The following USP15 variants were observed in gnomAD, a reference collection of about 807,000 sequenced individuals.
The protein encoded by USP15 is ubiquitin specific peptidase 15, also known as ubiquitin carboxyl-terminal hydrolase 15.
USP15 carries 18 observed loss-of-function variants against 127.1 expected under a neutral mutation model. The observed-to-expected ratio is 0.14, with a 90% CI of 0.10 to 0.21. The LOEUF (loss-of-function observed/expected upper bound fraction) is 0.21. Ranked by LOEUF, USP15 falls within the 10% of genes least tolerant of loss-of-function variation. The pLI is 1.00. For missense variants in USP15, 805 were observed against 1,159.9 expected, an observed-to-expected ratio of 0.69 and a Z score of 4.44; for synonymous variants, 364 against 393.7, an observed-to-expected ratio of 0.92 and a Z score of 0.89.
intron 6 of USP15, among the ~76,000 whole-genome samples, chr12:62,329,996 A>G (rs567991860): frequency 6.6e-6 from 1 of 152,314 alleles, no homozygotes; most frequent in Non-Finnish European, 1.5e-5. Context: ...AGCCTAGCTA[A>G]ATATCCATCA....
At chr12:62,298,484 GT>G (rs2064202090) in intron 2 of USP15, among the ~76,000 whole-genome samples, 1 of 152,118 alleles carries the variant, frequency 6.6e-6, no homozygotes, top group South Asian at 2.1e-4. Flanking sequence ...GGCCAACATG[GT>G]GAAACCCCGT....
intron 6 of USP15, among the ~76,000 whole-genome samples, chr12:62,330,253 A>T (rs776321769): frequency 2.0e-5 from 3 of 152,068 alleles, no homozygotes; most frequent in Non-Finnish European, 2.9e-5. Flanking sequence ...TGAAGCAAGG[A>T]TGATACAGAT....
At chr12:62,398,817 G>A (rs932293356) in intron 20 of USP15, among the ~76,000 whole-genome samples, 6 of 152,090 alleles carry the variant, frequency 3.9e-5, no homozygotes, top group Non-Finnish European at 4.4e-5. Context: ...ACTATCCCTG[G>A]TTATTTTTTG....
Position 62,370,655 on chromosome 12 carries a change from G to A in USP15, c.916-10835G>A, listed in dbSNP as rs1592685638. The stretch of plus-strand genomic sequence containing the variant: ...ACCCTATAGAAATTGCTTTTGATTA[G>A]CTCACTCTTGACCTCCTGTTTGCTA... On this transcript the variant is annotated intron_variant, in intron 8 of 21. Transcript: ENST00000280377. Among the ~76,000 whole-genome samples the A allele has an allele frequency of 2.6e-5, 4 of 152,078 alleles. No homozygotes were observed. The East Asian group carries it at 7.7e-4, about 29-fold the overall frequency.
Position 62,404,729 on chromosome 12 carries a change from T to TTTTGCTCTAATA in USP15, c.*355_*366dup, listed in dbSNP as rs1392044986. On this transcript the variant is annotated 3_prime_UTR_variant, in exon 22 of 22. Coordinates refer to ENST00000280377, the MANE Select transcript of USP15 (RefSeq NM_001252078.2). ...TAAATTTGTGGATGTTGGTCATTTA[T>TTTTGCTCTAATA]TTTGCTCTAATAATACTGCAAGAAA... is the stretch of plus-strand genomic sequence containing the variant. The TTTTGCTCTAATA allele has an allele frequency of 6.1e-6, 1 of 163,930 alleles. No homozygotes were observed. Among genetic ancestry groups the TTTTGCTCTAATA allele is most frequent in the African/African-American group, 2.4e-5 (1 of 41,606 alleles). The allele number at this position is 163,930 out of a possible 1,614,324, so 10.2% of individuals were successfully genotyped here. A position where few individuals can be genotyped will look rare whatever the true frequency, so the allele number is the denominator to read the frequency against.
intron 6 of USP15, among the ~76,000 whole-genome samples, chr12:62,338,457 C>G (rs2065545836): frequency 6.6e-6 from 1 of 152,060 alleles, no homozygotes; most frequent in Admixed American, 6.6e-5. Context: ...GTTTCTTTTC[C>G]TGTGTAGAAG....
intron 5 of USP15, among the ~76,000 whole-genome samples, chr12:62,324,853 T>C (rs1170564745): frequency 6.6e-6 from 1 of 151,926 alleles, no homozygotes; most frequent in African/African-American, 2.4e-5. Context: ...TGCCAATTTA[T>C]AAATGACCTG....
intron 1 of USP15, among the ~76,000 whole-genome samples, chr12:62,262,828 A>T (rs562933958): frequency 6.6e-6 from 1 of 152,300 alleles, no homozygotes; most frequent in East Asian, 1.9e-4. Context: ...AAGTCATTTC[A>T]GTGCTTTTAT....
intron 2 of USP15, among the ~76,000 whole-genome samples, chr12:62,296,458 A>C (rs896464249): frequency 2.0e-5 from 3 of 152,218 alleles, no homozygotes; most frequent in African/African-American, 7.2e-5. Context: ...TAAAGAACAT[A>C]ATCAGGGATA....
intron 8 of USP15, among the ~76,000 whole-genome samples, chr12:62,367,793 T>C (rs2066526525): frequency 6.6e-6 from 1 of 152,186 alleles, no homozygotes; most frequent in African/African-American, 2.4e-5. Context: ...TGAAAGGTTT[T>C]TCGTGTCTCT....
intron 2 of USP15, among the ~76,000 whole-genome samples, chr12:62,297,476 G>A (rs2064166117): frequency 6.6e-6 from 1 of 152,138 alleles, no homozygotes; most frequent in Non-Finnish European, 1.5e-5. Flanking sequence ...CAAGGAAGAG[G>A]GAGACAAGTG....
intron 8 of USP15, among the ~76,000 whole-genome samples, chr12:62,376,374 GA>G (rs1394762416): frequency 2.6e-5 from 4 of 151,810 alleles, no homozygotes; most frequent in African/African-American, 9.7e-5. Context: ...CCAATTTTAG[GA>G]CCAACAGTAG....
At chr12:62,364,018 C>G (rs1212101958) in intron 8 of USP15, among the ~76,000 whole-genome samples, 1 of 151,880 alleles carries the variant, frequency 6.6e-6, no homozygotes, top group African/African-American at 2.4e-5. Flanking sequence ...AGATCATAGA[C>G]AGTTGGATAT....
intron 6 of USP15, among the ~76,000 whole-genome samples, chr12:62,348,441 A>G (rs900044428): frequency 4.6e-5 from 7 of 152,196 alleles, no homozygotes; most frequent in African/African-American, 1.7e-4. Flanking sequence ...TAAAATTTAC[A>G]ATGACTGAGT....
intron 6 of USP15, among the ~76,000 whole-genome samples, chr12:62,337,563 A>G (rs113242998): frequency 0.08 from 12,197 of 152,118 alleles, 595 homozygotes; most frequent in Middle Eastern, 0.16. Context: ...TGCTGCACCT[A>G]TCAACCCATC....
chr12:62,371,300 CT>C (rs768737958), intron 8 of USP15, among the ~76,000 whole-genome samples: 1 of 152,194 alleles, frequency 6.6e-6, no homozygotes. Flanking sequence ...TACTTTCTCT[CT>C]TTCTTCTATC....
rs539033737 is a variant in USP15 at position 62,377,765 on chromosome 12, A to G, written c.916-3725A>G. Among the ~76,000 whole-genome samples, 16 of 151,622 alleles carry G rather than the reference A, an allele frequency of 1.1e-4. No individual in the cohort carries two copies. The South Asian group carries it at 3.1e-3, about 30-fold the overall frequency. ...AAACCGGCTTCTTTTTTCTGCCAGA[A>G]TGATGACATTGAATACTGATATAAC... On this transcript the variant is annotated intron_variant, in intron 8 of 21. Transcript: ENST00000280377.
intron 8 of USP15, among the ~76,000 whole-genome samples, chr12:62,376,990 C>T (rs761237357): frequency 5.3e-5 from 8 of 152,048 alleles, no homozygotes; most frequent in Non-Finnish European, 1.2e-4. Context: ...GAGATAGATA[C>T]TTCAGAACTG....
At position 62,367,568 on chromosome 12, in the gene USP15, A is replaced by G. The variant is rs557357081; in HGVS notation, c.915+12093A>G. Among the ~76,000 whole-genome samples, 293 of 152,310 alleles carry G rather than the reference A, an allele frequency of 1.9e-3. 3 individuals are homozygous for G. The highest frequency in any genetic ancestry group is 6.8e-3 in the African/African-American group (281 of 41,568). On this transcript the variant is annotated intron_variant, in intron 8 of 21. Transcript: ENST00000280377. ...TAGTCTTGGGAGAGTGTATGTGTCC[A>G]GGAATTTATCCATTTCTTCCAGATT...
Sources: allele counts gnomAD v4.1 joint callset (sites outside exome capture counted in the v4.1 genomes callset), GRCh38; gene constraint gnomAD v4.1.1; transcripts MANE v1.5; gene names NCBI Gene and HGNC (gene_info 2026-07-23, HGNC 2026-07-21).